SLK: variants seen among roughly 807,000 people sequenced by gnomAD.
The protein encoded by SLK is STE20 like kinase.
Under a neutral mutation model 147.7 loss-of-function variants are expected in SLK, and 67 were observed. That is an observed-to-expected ratio of 0.45 (90% CI 0.37 to 0.56). The LOEUF (loss-of-function observed/expected upper bound fraction) is 0.56, where lower values mean the gene tolerates loss of function less well. Ranked by LOEUF, SLK falls within the 20% of genes least tolerant of loss-of-function variation. SLK has a pLI of 0.00. For missense variants in SLK, 1,136 were observed against 1,438.8 expected, an observed-to-expected ratio of 0.79 and a Z score of 3.41; for synonymous variants, 441 against 475.0, an observed-to-expected ratio of 0.93 and a Z score of 0.93.
intron 1 of SLK, among the ~76,000 whole-genome samples, chr10:103,982,676 C>T (rs1843961416): frequency 6.6e-6 from 1 of 152,164 alleles, no homozygotes; most frequent in African/African-American, 2.4e-5. Flanking sequence ...TACTTGTAGT[C>T]CTAAAATCTA....
intron 13 of SLK, among the ~76,000 whole-genome samples, chr10:104,011,360 A>G (rs940658175): frequency 3.9e-5 from 6 of 152,242 alleles, no homozygotes; most frequent in Admixed American, 1.3e-4. Flanking sequence ...GTAACTTTAA[A>G]TGGTAGTTCA....
At chr10:104,000,556 T>G (rs1844232073) in intron 7 of SLK, among the ~76,000 whole-genome samples, 2 of 152,176 alleles carry the variant, frequency 1.3e-5, no homozygotes, top group African/African-American at 4.8e-5. Flanking sequence ...CTATTATTAT[T>G]TTGTTACCCC....
intron 13 of SLK, among the ~76,000 whole-genome samples, chr10:104,015,770 G>T (rs1844454927): frequency 6.6e-6 from 1 of 152,062 alleles, no homozygotes; most frequent in African/African-American, 2.4e-5. Flanking sequence ...TGTTTTAGTG[G>T]CACTGGCTTA....
Position 104,028,956 on chromosome 10 carries a change from C to T in SLK, c.*3236C>T, listed in dbSNP as rs1844632490. The T allele has an allele frequency of 6.6e-6, 1 of 152,184 alleles. No individual in the cohort carries two copies. The highest frequency in any genetic ancestry group is 2.1e-4 in the South Asian group (1 of 4,834). The allele number at this position is 152,184 out of a possible 1,614,324, so 9.4% of individuals were successfully genotyped here. On this transcript the variant is annotated 3_prime_UTR_variant, in exon 19 of 19. Coordinates refer to ENST00000369755, the MANE Select transcript of SLK (RefSeq NM_014720.4). ...TTAAATGCTTTTCTTAAGTTGAAGG[C>T]ACAACAGTTAATGGCTGTATTGTTG...
chr10:104,019,695 T>G, intron 15 of SLK, 39 bp from the exon 16 acceptor site: 1 of 1,484,102 alleles, frequency 6.7e-7, no homozygotes, highest in Middle Eastern at 1.7e-4. Flanking sequence ...TACTGACTAT[T>G]GTTTCTGCGT....
chr10:104,005,280 TATA>T (rs1844309805), intron 9 of SLK, among the ~76,000 whole-genome samples: 1 of 152,202 alleles, frequency 6.6e-6, no homozygotes, highest in Admixed American at 6.5e-5. Context: ...TATGCCTAAT[TATA>T]ATGTGTCATA....
At chr10:103,989,758 G>A (rs1330982128) in intron 1 of SLK, among the ~76,000 whole-genome samples, 3 of 152,080 alleles carry the variant, frequency 2.0e-5, no homozygotes, top group Non-Finnish European at 2.9e-5. Context: ...GTGAGCCACC[G>A]CGCCCGGCCA....
rs1020359474 is a variant in SLK, at chr10:104,007,495, C to T, written c.2605-682C>T. 3.3e-5 allele frequency among the ~76,000 whole-genome samples: 5 copies of T among 152,182 alleles called. No individual in the cohort carries two copies. In the East Asian group the frequency reaches 5.8e-4, roughly 18 times the overall value. On this transcript the variant is annotated intron_variant, in intron 11 of 18. Coordinates refer to ENST00000369755, the MANE Select transcript of SLK (RefSeq NM_014720.4). Reference sequence around the variant, plus strand: ...GGATGTCACATGCCTGTAATTCCAGCTACTCAGGCGGCTGAGGCATGAGAA... The same window carrying T: ...GGATGTCACATGCCTGTAATTCCAGTTACTCAGGCGGCTGAGGCATGAGAA...
intron 15 of SLK, 83 bp from the exon 16 acceptor site, chr10:104,019,651 A>G (rs1844509566): frequency 6.6e-6 from 7 of 1,056,910 alleles, no homozygotes; most frequent in Admixed American, 2.0e-5. Flanking sequence ...GGAAACAACA[A>G]TAACAAAATG....
intron 18 of SLK, among the ~76,000 whole-genome samples, 187 bp downstream of exon 18, chr10:104,021,920 C>G (rs887121263): frequency 6.6e-6 from 1 of 152,026 alleles, no homozygotes; most frequent in Non-Finnish European, 1.5e-5. Context: ...AGGGTCATTG[C>G]TCTGAAGGAG....
At chr10:104,003,765 A>G (rs965702907) in intron 9 of SLK, among the ~76,000 whole-genome samples, 4 of 152,214 alleles carry the variant, frequency 2.6e-5, no homozygotes, top group African/African-American at 9.6e-5. Flanking sequence ...ACAGTGTAAT[A>G]TGGTTGCTTG....
chr10:104,013,475 C>T (rs1437838228), intron 13 of SLK, among the ~76,000 whole-genome samples: 4 of 152,252 alleles, frequency 2.6e-5, no homozygotes, highest in Non-Finnish European at 1.5e-5. Flanking sequence ...TGATCTAGTT[C>T]AAATCCTTCA....
chr10:103,987,808 A>G (rs570331161), intron 1 of SLK, among the ~76,000 whole-genome samples: 2 of 152,218 alleles, frequency 1.3e-5, no homozygotes, highest in African/African-American at 4.8e-5. Flanking sequence ...AAAACGAGAA[A>G]GTTAAAGTAC....
At chr10:103,991,335 A>G (rs576909716) in intron 2 of SLK, among the ~76,000 whole-genome samples, 1 of 152,236 alleles carries the variant, frequency 6.6e-6, no homozygotes, top group East Asian at 1.9e-4. Flanking sequence ...AATTTTATTC[A>G]TTTTCAGAAA....
chr10:103,979,718 T>C (rs1206386042), intron 1 of SLK, among the ~76,000 whole-genome samples: 2 of 152,200 alleles, frequency 1.3e-5, no homozygotes, highest in African/African-American at 2.4e-5. Flanking sequence ...TCTTTCTTTT[T>C]CTTATTGATT....
intron 1 of SLK, among the ~76,000 whole-genome samples, chr10:103,970,191 T>C (rs1427148728): frequency 6.6e-6 from 1 of 152,204 alleles, no homozygotes; most frequent in African/African-American, 2.4e-5. Context: ...TTATTACATT[T>C]AGAGCTCATA....
rs550907143 is a variant in SLK, at chr10:104,010,013, A to G, written c.2785-803A>G. Among the ~76,000 whole-genome samples, 17 of 152,274 alleles carry G rather than the reference A, an allele frequency of 1.1e-4. No individual in the cohort carries two copies. In the South Asian group the frequency reaches 1.9e-3, roughly 17 times the overall value. ...TTTTTCATAGTTGGATTACAGATCT[A>G]TTGTTAGATGGAATATACTTCTAGT... On this transcript the variant is annotated intron_variant, in intron 12 of 18. Transcript: ENST00000369755.
At chr10:104,024,429 C>T (rs536730516) in intron 18 of SLK, among the ~76,000 whole-genome samples, 1 of 152,172 alleles carries the variant, frequency 6.6e-6, no homozygotes, top group South Asian at 2.1e-4. Context: ...TAGTGCCACA[C>T]CTGAGTCACA....
At chr10:103,979,369 G>A (rs948330217) in intron 1 of SLK, among the ~76,000 whole-genome samples, 1 of 152,170 alleles carries the variant, frequency 6.6e-6, no homozygotes, top group Admixed American at 6.5e-5. Flanking sequence ...TTGGTATGTT[G>A]TATGGCATGA....
Sources: allele counts gnomAD v4.1 joint callset (sites outside exome capture counted in the v4.1 genomes callset), GRCh38; gene constraint gnomAD v4.1.1; transcripts MANE v1.5; gene names NCBI Gene and HGNC (gene_info 2026-07-23, HGNC 2026-07-21).